POLR1F: variants seen among roughly 807,000 people sequenced by gnomAD.
POLR1F encodes the protein RNA polymerase I subunit F, also known as DNA-directed RNA polymerase I subunit RPA43.
In POLR1F, 23 loss-of-function variants were observed where a neutral mutation model predicts 21.8. That is an observed-to-expected ratio of 1.05 (90% confidence interval 0.76 to 1.49). The LOEUF (loss-of-function observed/expected upper bound fraction) is 1.49, where lower values mean the gene tolerates loss of function less well. Among genes scored for constraint, POLR1F ranks in the 40% most tolerant of loss-of-function variants. The probability of loss-of-function intolerance (pLI) is 0.00; values close to 1 mark genes in which losing one functional copy is unlikely to be tolerated. For missense variants in POLR1F, 435 were observed against 412.1 expected (o/e 1.06, Z -0.48); for synonymous variants, 162 against 152.8 (o/e 1.06, Z -0.45).
chr7:19,698,774 C>G, intron 3 of POLR1F, 47 bp from the exon 4 acceptor site: 1 of 1,445,918 alleles, frequency 6.9e-7, no homozygotes, highest in South Asian at 1.5e-5. Flanking sequence ...AAGCAAAAAA[C>G]AAAGAACAAA....
rs1017895181 is a variant in POLR1F at position 19,695,461 on chromosome 7, T to C, written c.*2855A>G. On this transcript the variant is annotated 3_prime_UTR_variant, in exon 4 of 4. Coordinates refer to ENST00000222567, the MANE Select transcript of POLR1F (RefSeq NM_001002926.2). ...TAATATCACATCAGAGGCCAAGTGA[T>C]ACCATTTGAAACTGTGCTTTTTATT... 2 of 151,780 alleles carry C rather than the reference T, an allele frequency of 1.3e-5. No individual in the cohort carries two copies. Among genetic ancestry groups the C allele is most frequent in the African/African-American group, 4.8e-5 (2 of 41,338 alleles). 9.4% of individuals were successfully genotyped at this position (151,780 alleles called of 1,614,324 possible). A position where few individuals can be genotyped will look rare whatever the true frequency, so the allele number is the denominator to read the frequency against.
rs1366995164 is a variant in POLR1F at position 19,697,928 on chromosome 7, C to T, written c.*388G>A. 1 of 157,442 alleles carries T rather than the reference C, an allele frequency of 6.4e-6. No homozygotes were observed. The highest frequency in any genetic ancestry group is 1.4e-5 in the Non-Finnish European group (1 of 71,850). 9.8% of individuals were successfully genotyped at this position (157,442 alleles called of 1,614,324 possible). A position where few individuals can be genotyped will look rare whatever the true frequency, so the allele number is the denominator to read the frequency against. ...AAAATAGCATGTAATAAGGTGAAGC[C>T]TATTAAACACACACAAAATCAAATC... On this transcript the variant is annotated 3_prime_UTR_variant, in exon 4 of 4. Transcript: ENST00000222567.
intron 2 of POLR1F, among the ~76,000 whole-genome samples, chr7:19,702,360 A>G (rs747328473): frequency 7.2e-5 from 11 of 152,210 alleles, no homozygotes; most frequent in Non-Finnish European, 1.5e-4. Context: ...GAACAACGGG[A>G]AAGCTACATG....
At chr7:19,699,072 A>G (rs745305706) in intron 3 of POLR1F, among the ~76,000 whole-genome samples, 2 of 152,118 alleles carry the variant, frequency 1.3e-5, no homozygotes, top group Non-Finnish European at 1.5e-5. Flanking sequence ...AAATTTGGTC[A>G]CTGAACATTA....
chr7:19,700,846 A>T (rs1288806635), intron 2 of POLR1F, among the ~76,000 whole-genome samples: 1 of 152,232 alleles, frequency 6.6e-6, no homozygotes, highest in East Asian at 1.9e-4. Flanking sequence ...AATATTGACC[A>T]TGACTATTTT....
At position 19,701,390 on chromosome 7, in the gene POLR1F, G is replaced by A. The variant is rs922631572; in HGVS notation, c.397-1110C>T. On this transcript the variant is annotated intron_variant, in intron 2 of 3. Coordinates refer to ENST00000222567, the MANE Select transcript of POLR1F (RefSeq NM_001002926.2). ...GGATTACAGGGAACGGAGGGAAGAAGGGAGAAATGAATAGGTGGAGCACAA... is the reference window on the plus strand; with the variant it reads ...GGATTACAGGGAACGGAGGGAAGAAAGGAGAAATGAATAGGTGGAGCACAA... Among the ~76,000 whole-genome samples the A allele has an allele frequency of 4.6e-5, 7 of 152,296 alleles. No individual in the cohort carries two copies. In the East Asian group the frequency reaches 1.4e-3, roughly 29 times the overall value.
At chr7:19,707,413 G>A (rs1783542070) in intron 1 of POLR1F, among the ~76,000 whole-genome samples, 1 of 152,108 alleles carries the variant, frequency 6.6e-6, no homozygotes, top group African/African-American at 2.4e-5. Flanking sequence ...ATGGCAGGAA[G>A]GGAAAAGCAA....
Position 19,696,857 on chromosome 7 carries a change from A to ACAT in POLR1F, c.*1456_*1458dup, listed in dbSNP as rs1384479365. The ACAT allele has an allele frequency of 6.6e-6, 1 of 152,120 alleles. No homozygotes were observed. Among genetic ancestry groups the ACAT allele is most frequent in the Non-Finnish European group, 1.5e-5 (1 of 67,946 alleles). The allele number at this position is 152,120 out of a possible 1,614,324, so 9.4% of individuals were successfully genotyped here. ...CTGGTATGTATTTTATACTGACAGC[A>ACAT]CATCTCAATTTGGACAAGCTACATT... On this transcript the variant is annotated 3_prime_UTR_variant, in exon 4 of 4. Transcript: ENST00000222567.
At position 19,696,164 on chromosome 7, in the gene POLR1F, T is replaced by A. The variant is rs1441968463; in HGVS notation, c.*2152A>T. On this transcript the variant is annotated 3_prime_UTR_variant, in exon 4 of 4. Transcript: ENST00000222567. The stretch of plus-strand genomic sequence containing the variant: ...TGTGCCAAATGTTTTGAAGAATACA[T>A]AGTGGACACCATCATCAGTCTTTCT... 6.6e-6 allele frequency: 1 copy of A among 152,054 alleles called. No individual in the cohort carries two copies. Among genetic ancestry groups the A allele is most frequent in the East Asian group, 1.9e-4 (1 of 5,160 alleles). 9.4% of individuals were successfully genotyped at this position (152,054 alleles called of 1,614,324 possible). A position where few individuals can be genotyped will look rare whatever the true frequency, so the allele number is the denominator to read the frequency against.
intron 3 of POLR1F, among the ~76,000 whole-genome samples, chr7:19,699,829 T>C (rs559574514): frequency 7.4e-4 from 113 of 152,144 alleles, no homozygotes; most frequent in Non-Finnish European, 1.3e-3. Context: ...AATTGAACTA[T>C]TAAATATTAA....
rs1388560094 is a variant in POLR1F, at chr7:19,702,839, A to G, written c.396+1940T>C. Among the ~76,000 whole-genome samples, 4 of 152,200 alleles carry G rather than the reference A, an allele frequency of 2.6e-5. 1 individual carries two copies. The highest frequency in any genetic ancestry group is 4.8e-5 in the African/African-American group (2 of 41,454). On this transcript the variant is annotated intron_variant, in intron 2 of 3. Transcript: ENST00000222567. ...ATTAAAACCATAATGAGATACTACTATATGCCCATCAGTACAATTAAAGGA... is the reference window on the plus strand; with the variant it reads ...ATTAAAACCATAATGAGATACTACTGTATGCCCATCAGTACAATTAAAGGA...
At chr7:19,699,314 C>T (rs1783420198) in intron 3 of POLR1F, among the ~76,000 whole-genome samples, 1 of 152,138 alleles carries the variant, frequency 6.6e-6, no homozygotes, top group Non-Finnish European at 1.5e-5. Flanking sequence ...TCCAGAACTT[C>T]AGTCTTATAC....
chr7:19,700,030 G>T (rs781231906), intron 3 of POLR1F, 42 bp downstream of exon 3: 5 of 1,484,014 alleles, frequency 3.4e-6, no homozygotes. Context: ...GAATTAAATA[G>T]AAATTAAGTA....
intron 2 of POLR1F, among the ~76,000 whole-genome samples, chr7:19,700,494 A>G (rs1350125492): frequency 6.6e-6 from 1 of 152,186 alleles, no homozygotes; most frequent in Non-Finnish European, 1.5e-5. Context: ...AGAAAGCTCA[A>G]ACTTTATTAT....
intron 2 of POLR1F, among the ~76,000 whole-genome samples, chr7:19,701,679 T>A (rs112012674): frequency 0.039 from 5,878 of 150,350 alleles, 168 homozygotes; most frequent in African/African-American, 0.074. Flanking sequence ...TAAGTCTGTT[T>A]ACCCTACCTC....
In POLR1F at chr7:19,698,527, C is replaced by A. The variant is rs747563622; in HGVS notation, c.806G>T (p.Gly269Val). Residue 269 changes from glycine (G) to valine (V), a missense_variant, in exon 4 of 4, where the codon GGC becomes GTC. Gly to Val is a moderately radical substitution (Grantham distance 109). Coordinates refer to ENST00000222567, the MANE Select transcript of POLR1F (RefSeq NM_001002926.2). ...TTTCTTTGGCTCCTCCTCCCAGATGCCATTCGCATTATTAGTATTCTGCAG... is the reference window on the plus strand; with the variant it reads ...TTTCTTTGGCTCCTCCTCCCAGATGACATTCGCATTATTAGTATTCTGCAG... ...SALQNTNNAN[G>V]IWEEEPKKKK... The A allele has an allele frequency of 1.7e-5, 28 of 1,605,236 alleles. No individual in the cohort carries two copies. The highest frequency in any genetic ancestry group is 2.3e-5 in the Non-Finnish European group (27 of 1,177,932).
Position 19,708,926 on chromosome 7 carries a change from A to G in POLR1F, c.91T>C (p.Leu31=), listed in dbSNP as rs746342212. Reference sequence around the variant, plus strand: ...GCACAAGCAGCGGCATAAGTCGGCAACTCTAGGCAAGGCAGGACGCCAGCC... The same window carrying G: ...GCACAAGCAGCGGCATAAGTCGGCAGCTCTAGGCAAGGCAGGACGCCAGCC... The part of the protein sequence containing the change: ...GQAGVLPCLE[L]PTYAAACALV... The change falls in exon 1 of 4, where the codon TTG becomes CTG. Residue 31 remains leucine (L), a synonymous_variant. Coordinates refer to ENST00000222567, the MANE Select transcript of POLR1F (RefSeq NM_001002926.2). 1 of 1,613,610 alleles carries G rather than the reference A, an allele frequency of 6.2e-7. No individual in the cohort carries two copies. The highest frequency in any genetic ancestry group is 8.5e-7 in the Non-Finnish European group (1 of 1,179,852).
intron 3 of POLR1F, among the ~76,000 whole-genome samples, chr7:19,699,495 C>A (rs1783421928): frequency 6.6e-6 from 1 of 152,150 alleles, no homozygotes; most frequent in Non-Finnish European, 1.5e-5. Context: ...AGAACTTCAA[C>A]CCATACTCTT....
In POLR1F at chr7:19,709,006, C is replaced by T. The variant is rs199943972; in HGVS notation, c.11G>A (p.Gly4Asp). 1.9e-6 allele frequency: 3 copies of T among 1,583,724 alleles called. No individual in the cohort carries two copies. Among genetic ancestry groups the T allele is most frequent in the Admixed American group, 1.7e-5 (1 of 58,346 alleles). MAAGCSEAPRPAAA... is the reference protein window; with the variant it reads MAADCSEAPRPAAA... The stretch of plus-strand genomic sequence containing the variant: ...CGCTGGCCGCGGCGCCTCTGAGCAA[C>T]CTGCAGCCATGCTGCTTGTCAAGGT... The change falls in exon 1 of 4, where the codon GGT becomes GAT. Residue 4 changes from glycine to aspartate, a missense_variant. Transcript: ENST00000222567.
Sources: gnomAD v4.1 joint callset for allele counts (sites outside exome capture counted in the v4.1 genomes callset) on GRCh38, gnomAD v4.1.1 for gene constraint, MANE v1.5 for transcripts, NCBI Gene and HGNC (gene_info 2026-07-23, HGNC 2026-07-21) for gene names.